The following PCDH19 variants were observed in gnomAD, a reference collection of about 807,000 sequenced individuals.
The protein encoded by PCDH19 is protocadherin 19.
In PCDH19, 6 loss-of-function variants were observed where a neutral mutation model predicts 46.2. The observed-to-expected ratio is 0.13, with a 90% CI of 0.07 to 0.26. The LOEUF (loss-of-function observed/expected upper bound fraction) is 0.26. PCDH19 is among the 10% of genes least tolerant of loss of function. The probability of loss-of-function intolerance (pLI) is 1.00; values close to 1 mark genes in which losing one functional copy is unlikely to be tolerated. For missense variants in PCDH19, 740 were observed against 972.3 expected (o/e 0.76, Z 3.18); for synonymous variants, 481 against 415.7 (o/e 1.16, Z -1.91).
At chrX:100,310,238 G>A (rs1412781192) in intron 5 of PCDH19, among the ~76,000 whole-genome samples, 1 of 111,265 alleles carries the variant, frequency 9.0e-6, no homozygotes, top group African/African-American at 3.3e-5. Flanking sequence ...GTTGTAATTT[G>A]GGCAATCACA....
At chrX:100,384,763 A>G (rs1012602622) in intron 3 of PCDH19, among the ~76,000 whole-genome samples, 3 of 111,895 alleles carry the variant, frequency 2.7e-5, no homozygotes, top group East Asian at 2.8e-4. Flanking sequence ...AAGCATATCT[A>G]TAAGATTAAA....
intron 4 of PCDH19, among the ~76,000 whole-genome samples, chrX:100,349,599 G>T (rs781648850): frequency 8.9e-6 from 1 of 112,108 alleles, no homozygotes; most frequent in South Asian, 3.7e-4. Context: ...AAATTTATGG[G>T]ATTAGAGCCA....
rs1418355813 is a variant in PCDH19, at chrX:100,403,673, G to A, written c.2148-9C>T. 3 of 1,190,613 alleles carry A rather than the reference G, an allele frequency of 2.5e-6. No homozygotes were observed. Among genetic ancestry groups the A allele is most frequent in the South Asian group, 1.8e-5 (1 of 54,303 alleles). ...TGATGGTTAAACAATTACTGCAAAGGAATTTAAAGGTTAGTGCATTCAGCA... is the reference window on the plus strand; with the variant it reads ...TGATGGTTAAACAATTACTGCAAAGAAATTTAAAGGTTAGTGCATTCAGCA... On this transcript the variant is annotated splice_polypyrimidine_tract_variant and intron_variant, in intron 1 of 5. Coordinates refer to ENST00000373034, the MANE Select transcript of PCDH19 (RefSeq NM_001184880.2).
intron 1 of PCDH19, among the ~76,000 whole-genome samples, chrX:100,406,172 G>T (rs764515007): frequency 4.5e-5 from 5 of 111,438 alleles, no homozygotes; most frequent in African/African-American, 1.3e-4. Context: ...TAACTTCATG[G>T]AGACAGCTAT....
chrX:100,330,459 T>C (rs1305710863), intron 5 of PCDH19, among the ~76,000 whole-genome samples: 2 of 112,594 alleles, frequency 1.8e-5, no homozygotes, highest in African/African-American at 6.4e-5. Flanking sequence ...GCATTGGACT[T>C]GGATTTGCAA....
chrX:100,365,817 G>T, intron 3 of PCDH19, among the ~76,000 whole-genome samples: 1 of 111,953 alleles, frequency 8.9e-6, no homozygotes, highest in Non-Finnish European at 1.9e-5. Flanking sequence ...GGAAACTCAG[G>T]CATGGATTCA....
At chrX:100,384,883 G>A (rs761149715) in intron 3 of PCDH19, among the ~76,000 whole-genome samples, 39 of 111,649 alleles carry the variant, frequency 3.5e-4, no homozygotes, top group Non-Finnish European at 1.9e-5. Context: ...CCCAGGCCGG[G>A]CCCGGTGGCT....
intron 3 of PCDH19, among the ~76,000 whole-genome samples, chrX:100,366,722 T>A (rs1433768558): frequency 2.7e-5 from 3 of 112,755 alleles, no homozygotes; most frequent in Non-Finnish European, 3.7e-5. Context: ...AGTATGTTAA[T>A]TGCACATCAT....
intron 5 of PCDH19, among the ~76,000 whole-genome samples, chrX:100,319,734 C>T (rs752232745): frequency 8.9e-6 from 1 of 112,038 alleles, no homozygotes; most frequent in Non-Finnish European, 1.9e-5. Context: ...AGGAAATGGG[C>T]TAGTAGTCCT....
At position 100,341,966 on chromosome X, in the gene PCDH19, T is replaced by C. The variant is rs1926262963; in HGVS notation, c.2785A>G (p.Thr929Ala). Reference protein sequence around the residue: ...HDVQRSLYCDTAVNDVLNTSV... With the variant: ...HDVQRSLYCDAAVNDVLNTSV... ...GTGTTCAGCACATCGTTGACAGCAG[T>C]ATCACAATACAGGCTCCGCTGGACA... The change falls in exon 5 of 6, where the codon ACT becomes GCT. Residue 929 changes from threonine (T) to alanine (A), a missense_variant. This residue lies in a region of PCDH19 where 416 missense variants were observed against 476.8 expected (regional missense o/e 0.87). Transcript: ENST00000373034. 1.7e-6 allele frequency: 2 copies of C among 1,209,543 alleles called. No homozygotes were observed. The highest frequency in any genetic ancestry group is 3.5e-5 in the African/African-American group (2 of 57,804).
chrX:100,363,730 T>TTATA (rs1249133626), intron 3 of PCDH19, among the ~76,000 whole-genome samples: 1 of 100,006 alleles, frequency 1.0e-5, no homozygotes, highest in African/African-American at 3.6e-5. Flanking sequence ...TATATTTATT[T>TTATA]TATATATATA....
chrX:100,322,870 TGCAGCTA>T (rs1925564028), intron 5 of PCDH19, among the ~76,000 whole-genome samples: 2 of 93,306 alleles, frequency 2.1e-5, no homozygotes, highest in Admixed American at 1.2e-4. Flanking sequence ...TATATATTTT[TGCAGCTA>T]TTGTAAAAGG....
At chrX:100,317,598 A>T (rs1231036374) in intron 5 of PCDH19, among the ~76,000 whole-genome samples, 37 of 2,290 alleles carry the variant, frequency 0.016, no homozygotes, top group South Asian at 0.1. Context: ...ACCATATTTA[A>T]AAAAAAAAAA....
rs1336432997 is a variant in PCDH19 at position 100,292,934 on chromosome X, T to C, written c.*3343A>G. ...ATTGGAATTCCAGCCAGAACTGCTATTATGTACAATAATAATCCTTTTCCA... is the reference window on the plus strand; with the variant it reads ...ATTGGAATTCCAGCCAGAACTGCTACTATGTACAATAATAATCCTTTTCCA... On this transcript the variant is annotated 3_prime_UTR_variant, in exon 6 of 6. Transcript: ENST00000373034. The C allele has an allele frequency of 1.8e-5, 2 of 111,688 alleles. No individual in the cohort carries two copies. Among genetic ancestry groups the C allele is most frequent in the Non-Finnish European group, 3.8e-5 (2 of 53,164 alleles). The allele number at this position is 111,688 out of a possible 1,213,427, so 9.2% of individuals were successfully genotyped here.
At position 100,365,118 on chromosome X, in the gene PCDH19, T is replaced by C. The variant is rs764815374; in HGVS notation, c.2617-14414A>G. ...TATTTTCTCAAATAACACCTTGCAT[T>C]AATATAGCAATTGTTTTTTTTTACA... On this transcript the variant is annotated intron_variant, in intron 3 of 5. Transcript: ENST00000373034. 5.9e-5 allele frequency among the ~76,000 whole-genome samples: 6 copies of C among 101,638 alleles called. 1 individual carries two copies. In the South Asian group the frequency reaches 2.4e-3, roughly 40 times the overall value. The allele number at this position is 101,638 out of a possible 115,157, so 88.3% of individuals were successfully genotyped here. A position where few individuals can be genotyped will look rare whatever the true frequency, so the allele number is the denominator to read the frequency against.
intron 5 of PCDH19, among the ~76,000 whole-genome samples, chrX:100,338,090 C>G (rs1202776297): frequency 9.0e-6 from 1 of 111,408 alleles, no homozygotes; most frequent in Non-Finnish European, 1.9e-5. Flanking sequence ...CCTGTAATCC[C>G]AGCACTTTGG....
rs773530412 is a variant in PCDH19 at position 100,291,843 on chromosome X, CTTTT to C, written c.*4430_*4433del. On this transcript the variant is annotated 3_prime_UTR_variant, in exon 6 of 6. Transcript: ENST00000373034. Reference sequence around the variant, plus strand: ...ATAGACAGTGGTGATTCTTTTTTGTCTTTTTTCTTTTTACAATGATTCAATCACT... The same window carrying C: ...ATAGACAGTGGTGATTCTTTTTTGTCTTCTTTTTACAATGATTCAATCACT... 8.9e-6 allele frequency: 1 copy of C among 112,481 alleles called. No homozygotes were observed. Among genetic ancestry groups the C allele is most frequent in the Non-Finnish European group, 1.9e-5 (1 of 53,161 alleles). 9.3% of individuals were successfully genotyped at this position (112,481 alleles called of 1,213,427 possible).
At chrX:100,346,394 A>G (rs1926401238) in intron 4 of PCDH19, among the ~76,000 whole-genome samples, 1 of 112,109 alleles carries the variant, frequency 8.9e-6, no homozygotes, top group Non-Finnish European at 1.9e-5. Flanking sequence ...TTTAAGTAAT[A>G]CAAGGAAAAT....
Position 100,409,590 on chromosome X carries a change from G to T in PCDH19, c.-993C>A. ...GGTCTTTCTAATGGCCGGGGGTGGC[G>T]GGGAATGGGGAAGAGGGAAGGGGAG... On this transcript the variant is annotated 5_prime_UTR_variant, in exon 1 of 6. Coordinates refer to ENST00000373034, the MANE Select transcript of PCDH19 (RefSeq NM_001184880.2). 1 of 126,227 alleles carries T rather than the reference G, an allele frequency of 7.9e-6. No individual in the cohort carries two copies. The highest frequency in any genetic ancestry group is 2.5e-4 in the South Asian group (1 of 3,950). 10.4% of individuals were successfully genotyped at this position (126,227 alleles called of 1,213,427 possible).
Sources: gnomAD v4.1 joint callset for allele counts (sites outside exome capture counted in the v4.1 genomes callset) on GRCh38, gnomAD v4.1.1 for gene constraint, gnomAD v4.1.1 regional missense constraint, MANE v1.5 for transcripts, NCBI Gene and HGNC (gene_info 2026-07-23, HGNC 2026-07-21) for gene names.